Variants in EIF3L observed in about 807,000 individuals in gnomAD.
EIF3L encodes the protein eIEF associated protein HSPC021.
Under a neutral mutation model 74.6 loss-of-function variants are expected in EIF3L, and 32 were observed. That is an observed-to-expected ratio of 0.43 (90% CI 0.32 to 0.58). The LOEUF (loss-of-function observed/expected upper bound fraction) is 0.58. Among genes scored for constraint, EIF3L ranks in the 20% least tolerant of loss-of-function variants. EIF3L has a pLI of 0.06. For missense variants in EIF3L, 474 were observed against 707.8 expected (o/e 0.67, Z 3.75); for synonymous variants, 256 against 254.4 (o/e 1.01, Z -0.06).
chr22:37,861,315 A>G (rs1454101207), intron 5 of EIF3L, among the ~76,000 whole-genome samples: 1 of 152,118 alleles, frequency 6.6e-6, no homozygotes, highest in Admixed American at 6.6e-5. Flanking sequence ...TAGGTGGAAA[A>G]GTTCTTGCTG....
At position 37,862,977 on chromosome 22, in the gene EIF3L, T is replaced by C; in HGVS notation, c.444T>C (p.Pro148=). The C allele has an allele frequency of 6.2e-7, 1 of 1,611,076 alleles. No individual in the cohort carries two copies. The highest frequency in any genetic ancestry group is 8.5e-7 in the Non-Finnish European group (1 of 1,178,784). The part of the protein sequence containing the change: ...RHIYAKVSGG[P]SLEQRFESYY... ...TCTTGTTTTCTTTACAGGGGGGACC[T>C]TCCTTGGAGCAGAGGTTTGAATCCT... The change falls in exon 6 of 13, where the codon CCT becomes CCC. Residue 148 remains proline (P), a synonymous_variant. Transcript: ENST00000652021.
At chr22:37,878,340 G>A (rs1443375934) in intron 11 of EIF3L, 169 bp downstream of exon 11, 15 of 824,402 alleles carry the variant, frequency 1.8e-5, no homozygotes, top group Non-Finnish European at 2.7e-5. Flanking sequence ...TACTTTAGGG[G>A]AGGCTGGGGT....
chr22:37,860,765 G>C (rs2145809606), intron 5 of EIF3L, among the ~76,000 whole-genome samples: 1 of 152,226 alleles, frequency 6.6e-6, no homozygotes, highest in Non-Finnish European at 1.5e-5. Context: ...ATTACTGCAG[G>C]AGCTGCTTAC....
intron 8 of EIF3L, among the ~76,000 whole-genome samples, chr22:37,872,785 ATTT>A (rs951478746): frequency 1.4e-5 from 2 of 148,092 alleles, no homozygotes; most frequent in Non-Finnish European, 3.0e-5. Context: ...TACCTGGCTG[ATTT>A]TTTTTTCTTT....
At position 37,859,374 on chromosome 22, in the gene EIF3L, CTTTTTTTT is replaced by C. The variant is rs34020382; in HGVS notation, c.435+648_435+655del. ...CTAAATTATAGAGTACGTGAAGTTT[CTTTTTTTT>C]TTTTTTTTTTTTTGAGAGAGAGTGA... On this transcript the variant is annotated intron_variant, in intron 5 of 12. Transcript: ENST00000652021. Among the ~76,000 whole-genome samples the C allele has an allele frequency of 7.6e-4, 60 of 79,150 alleles. 1 individual carries two copies. Among genetic ancestry groups the C allele is most frequent in the African/African-American group, 2.9e-3 (52 of 17,632 alleles). 51.9% of individuals were successfully genotyped at this position (79,150 alleles called of 152,430 possible). A position where few individuals can be genotyped will look rare whatever the true frequency, so the allele number is the denominator to read the frequency against.
intron 2 of EIF3L, 75 bp from the exon 3 acceptor site, chr22:37,851,205 G>T (rs1601750156): frequency 7.9e-7 from 1 of 1,259,640 alleles, no homozygotes; most frequent in East Asian, 2.3e-5. Context: ...TTAGTTTCTG[G>T]GGTGGTCTTG....
intron 9 of EIF3L, 82 bp downstream of exon 9, chr22:37,874,606 T>C: frequency 6.9e-7 from 1 of 1,458,096 alleles, no homozygotes; most frequent in Non-Finnish European, 9.2e-7. Flanking sequence ...TTAGGACAAA[T>C]TTCCAGGAGA....
intron 9 of EIF3L, among the ~76,000 whole-genome samples, chr22:37,875,223 A>G (rs1019262828): frequency 2.6e-5 from 4 of 151,588 alleles, no homozygotes; most frequent in African/African-American, 9.7e-5. Context: ...ACAAAAAAAA[A>G]AAAAACTAGC....
At chr22:37,878,231 A>G (rs1391885927) in intron 11 of EIF3L, 60 bp downstream of exon 11, 29 of 1,517,252 alleles carry the variant, frequency 1.9e-5, no homozygotes, top group South Asian at 1.2e-4. Context: ...TTCATTCACT[A>G]TTGTGGGCAC....
At position 37,877,861 on chromosome 22, in the gene EIF3L, C is replaced by T. The variant is rs1452832290; in HGVS notation, c.1265C>T (p.Ser422Leu). Residue 422 changes from serine (S) to leucine (L), a missense_variant, in exon 11 of 13, where the codon TCG (serine) becomes TTG (leucine). Transcript: ENST00000652021. ...AGTTACTCCTGCCCCAAGTTCCTGT[C>T]GCCTGTAGTGCCCAACTATGATAAT... is the stretch of plus-strand genomic sequence containing the variant. ...LFSYSCPKFLSPVVPNYDNVH... is the reference protein window; with the variant it reads ...LFSYSCPKFLLPVVPNYDNVH... The T allele has an allele frequency of 4.3e-6, 7 of 1,613,514 alleles. 1 individual carries two copies. The highest frequency in any genetic ancestry group is 2.2e-5 in the East Asian group (1 of 44,896).
intron 3 of EIF3L, among the ~76,000 whole-genome samples, chr22:37,854,663 C>T (rs1925401382): frequency 6.6e-6 from 1 of 152,128 alleles, no homozygotes; most frequent in African/African-American, 2.4e-5. Context: ...GACGGGGTTT[C>T]ACCGTGTTGG....
At position 37,871,871 on chromosome 22, in the gene EIF3L, GGAAAAAAAAA is replaced by G. The variant is rs1417062254; in HGVS notation, c.751+1525_751+1534del. On this transcript the variant is annotated intron_variant, in intron 8 of 12. Transcript: ENST00000652021. ...GTGACAGAGCGAGACTCTGTCTCGG[GGAAAAAAAAA>G]AAAAAAAAAAAGATATCTCATTAGG... is the stretch of plus-strand genomic sequence containing the variant. 6.3e-5 allele frequency among the ~76,000 whole-genome samples: 7 copies of G among 111,612 alleles called. No homozygotes were observed. The South Asian group carries it at 2.0e-3, about 32-fold the overall frequency. The allele number at this position is 111,612 out of a possible 152,430, so 73.2% of individuals were successfully genotyped here.
chr22:37,865,468 A>C (rs984780224), intron 7 of EIF3L, among the ~76,000 whole-genome samples: 6 of 152,142 alleles, frequency 3.9e-5, no homozygotes, highest in East Asian at 3.8e-4. Flanking sequence ...CAAAAAAAAA[A>C]CCAAAAAAAA....
chr22:37,888,429 A>G lies in EIF3L; in HGVS notation c.1660A>G (p.Asn554Asp), dbSNP rs756695456. 3 of 1,613,994 alleles carry G rather than the reference A, an allele frequency of 1.9e-6. No individual in the cohort carries two copies. The highest frequency in any genetic ancestry group is 2.5e-6 in the Non-Finnish European group (3 of 1,180,004). Residue 554 changes from asparagine to aspartate, a missense_variant, in exon 13 of 13, where the codon AAT becomes GAT. Coordinates refer to ENST00000652021, the MANE Select transcript of EIF3L (RefSeq NM_016091.4). ...TTTGCTTTTCTTTCTCTTCTAGCTT[A>G]ATCGAACCCTGAAGAAGATGGGACA... Reference protein sequence around the residue: ...IRQIHKFEELNRTLKKMGQRP With the variant: ...IRQIHKFEELDRTLKKMGQRP
At chr22:37,859,203 C>T (rs73413918) in intron 5 of EIF3L, among the ~76,000 whole-genome samples, 7,418 of 151,490 alleles carry the variant, frequency 0.049, 583 homozygotes, top group African/African-American at 0.17. Context: ...AGTTGGTACC[C>T]GAGGTGCCAA....
intron 7 of EIF3L, among the ~76,000 whole-genome samples, chr22:37,868,634 C>CTTTTTTTTTTTTTTTTTTTTTTTTTTT (rs71195065): frequency 1.2e-4 from 3 of 25,132 alleles, no homozygotes; most frequent in African/African-American, 1.4e-4. Context: ...TGTTTTGGTG[C>CTTTTTTTTTTTTTTTTTTTTTTTTTTT]TTTTTTTTTT....
At chr22:37,887,433 C>T (rs1927381766) in intron 12 of EIF3L, 1 of 152,036 alleles carries the variant, frequency 6.6e-6, no homozygotes, top group South Asian at 2.1e-4. Context: ...CTCATGTCTA[C>T]TAAAAATTAA....
At position 37,857,759 on chromosome 22, in the gene EIF3L, C is replaced by T. The variant is rs374952219; in HGVS notation, c.374-920C>T. Among the ~76,000 whole-genome samples, 12 of 152,156 alleles carry T rather than the reference C, an allele frequency of 7.9e-5. No homozygotes were observed. The East Asian group carries it at 1.4e-3, about 17-fold the overall frequency. ...ATCTTGGCCAGGCTGATTTTGAACT[C>T]CTGACCTCAAATGATCCACCCGCCT... On this transcript the variant is annotated intron_variant, in intron 4 of 12. Coordinates refer to ENST00000652021, the MANE Select transcript of EIF3L (RefSeq NM_016091.4).
chr22:37,885,840 G>T (rs1244339300), intron 11 of EIF3L: 1 of 151,432 alleles, frequency 6.6e-6, no homozygotes, highest in Non-Finnish European at 1.5e-5. Context: ...CCAAAGTGCT[G>T]GGATTACAGG....
Sources: gnomAD v4.1 joint callset for allele counts (sites outside exome capture counted in the v4.1 genomes callset) on GRCh38, gnomAD v4.1.1 for gene constraint, MANE v1.5 for transcripts, NCBI Gene and HGNC (gene_info 2026-07-23, HGNC 2026-07-21) for gene names.